ZNF662: variants seen among roughly 807,000 people sequenced by gnomAD.
ZNF662 encodes zinc finger protein 662.
A neutral mutation model predicts 12.4 loss-of-function variants in ZNF662; 14 were observed. The observed-to-expected ratio is 1.13, with a 90% CI of 0.75 to 1.77. ZNF662 has a LOEUF of 1.77. Ranked by LOEUF, ZNF662 falls within the 40% of genes most tolerant of loss-of-function variation. The probability of loss-of-function intolerance (pLI) is 0.00; values close to 1 mark genes in which losing one functional copy is unlikely to be tolerated. For synonymous variants in ZNF662, 184 were observed against 176.4 expected (o/e 1.04, Z -0.34); for missense variants, 550 against 515.6 (o/e 1.07, Z -0.65).
In ZNF662 at chr3:42,918,322, C is replaced by A. The variant is rs2088915480; in HGVS notation, c.*2968C>A. 6.6e-6 allele frequency among the ~76,000 whole-genome samples: 1 copy of A among 152,068 alleles called. No individual in the cohort carries two copies. The highest frequency in any genetic ancestry group is 1.5e-5 in the Non-Finnish European group (1 of 68,012). On this transcript the variant is annotated 3_prime_UTR_variant, in exon 5 of 5. Coordinates refer to ENST00000440367, the MANE Select transcript of ZNF662 (RefSeq NM_207404.4). Reference sequence around the variant, plus strand: ...AATTTATTAAGTGAAAAGGAAAACTCTCAACAAAAAGAGGGGTCCTGCATG... The same window carrying A: ...AATTTATTAAGTGAAAAGGAAAACTATCAACAAAAAGAGGGGTCCTGCATG...
chr3:42,911,437 C>T (rs954304484), intron 3 of ZNF662, among the ~76,000 whole-genome samples: 2 of 152,194 alleles, frequency 1.3e-5, no homozygotes, highest in African/African-American at 4.8e-5. Context: ...TTCCTCTCCT[C>T]ACCACCTAAG....
At chr3:42,914,146 C>G (rs948397424) in intron 4 of ZNF662, among the ~76,000 whole-genome samples, 181 bp from the exon 5 acceptor site, 12 of 148,506 alleles carry the variant, frequency 8.1e-5, no homozygotes, top group Non-Finnish European at 1.5e-5. Flanking sequence ...TATCTAGTTG[C>G]TGTCTTTACT....
chr3:42,908,733 G>C, intron 2 of ZNF662, 60 bp from the exon 3 acceptor site: 2 of 1,567,718 alleles, frequency 1.3e-6, no homozygotes, highest in Non-Finnish European at 1.8e-6. Flanking sequence ...CCTGGGAGGA[G>C]CCTTGGGATT....
At chr3:42,908,636 C>T (rs1559379952) in intron 2 of ZNF662, 157 bp from the exon 3 acceptor site, 5 of 1,461,062 alleles carry the variant, frequency 3.4e-6, no homozygotes. Context: ...TCTCCTGGCC[C>T]CTCTCTTGTC....
chr3:42,906,539 C>A lies in ZNF662; in HGVS notation c.-94+371C>A. The A allele has an allele frequency of 9.0e-7, 1 of 1,111,994 alleles. No individual in the cohort carries two copies. Among genetic ancestry groups the A allele is most frequent in the East Asian group, 3.1e-5 (1 of 31,852 alleles). 68.9% of individuals were successfully genotyped at this position (1,111,994 alleles called of 1,614,324 possible). A position where few individuals can be genotyped will look rare whatever the true frequency, so the allele number is the denominator to read the frequency against. On this transcript the variant is annotated intron_variant, in intron 1 of 4. Transcript: ENST00000440367. This position sits in a 1 kb window ranked among gnomAD's most constrained non-coding sequence, Gnocchi z 4.4. ...CGGCGGCTGGGAAATGGGGGTACAA[C>A]CCAGAGTGAGGGGCCTCGAGGGACA...
Position 42,906,531 on chromosome 3 carries a change from G to C in ZNF662, c.-94+363G>C, listed in dbSNP as rs2125638519. 8.3e-7 allele frequency: 1 copy of C among 1,199,772 alleles called. No homozygotes were observed. Among genetic ancestry groups the C allele is most frequent in the Non-Finnish European group, 1.1e-6 (1 of 904,838 alleles). 74.3% of individuals were successfully genotyped at this position (1,199,772 alleles called of 1,614,324 possible). ...GGGTGGTGCGGCGGCTGGGAAATGG[G>C]GGTACAACCCAGAGTGAGGGGCCTC... On this transcript the variant is annotated intron_variant, in intron 1 of 4. Coordinates refer to ENST00000440367, the MANE Select transcript of ZNF662 (RefSeq NM_207404.4). The surrounding 1 kb of genome is among the most constrained non-coding windows in gnomAD (Gnocchi z 4.4).
In ZNF662 at chr3:42,914,687, A is replaced by C. The variant is rs1352596784; in HGVS notation, c.614A>C (p.Glu205Ala). The C allele has an allele frequency of 1.2e-6, 2 of 1,614,232 alleles. No homozygotes were observed. Among genetic ancestry groups the C allele is most frequent in the Admixed American group, 3.3e-5 (2 of 60,026 alleles). Residue 205 changes from glutamate to alanine, a missense_variant, in exon 5 of 5, where the codon GAG becomes GCG. Transcript: ENST00000440367. ...EECGKCFDQNEDFDQHQKTHN... is the reference protein window; with the variant it reads ...EECGKCFDQNADFDQHQKTHN... ...TGCGGCAAGTGTTTTGATCAAAATG[A>C]GGACTTTGATCAACACCAGAAAACT...
rs762229357 is a variant in ZNF662, at chr3:42,908,058, T to C, written c.-57T>C. 33 of 1,614,092 alleles carry C rather than the reference T, an allele frequency of 2.0e-5. No homozygotes were observed. The East Asian group carries it at 6.9e-4, about 34-fold the overall frequency. Reference sequence around the variant, plus strand: ...CTTCGAGGATGTGGCCGTCTACTTCTCTGAGAACGAATGGATCGGCCTGGG... The same window carrying C: ...CTTCGAGGATGTGGCCGTCTACTTCCCTGAGAACGAATGGATCGGCCTGGG... On this transcript the variant is annotated 5_prime_UTR_variant, in exon 2 of 5. Transcript: ENST00000440367.
At position 42,914,915 on chromosome 3, in the gene ZNF662, G is replaced by A. The variant is rs1156298846; in HGVS notation, c.842G>A (p.Cys281Tyr). ...TGEKPFECKE[C>Y]GKGFSQNTSL... ...GAGAAACCCTTTGAATGTAAGGAAT[G>A]TGGGAAGGGCTTTAGTCAGAACACA... is the stretch of plus-strand genomic sequence containing the variant. The change falls in exon 5 of 5, where the codon TGT (cysteine) becomes TAT (tyrosine). Residue 281 changes from cysteine to tyrosine, a missense_variant. Coordinates refer to ENST00000440367, the MANE Select transcript of ZNF662 (RefSeq NM_207404.4). 2 of 1,614,228 alleles carry A rather than the reference G, an allele frequency of 1.2e-6. No individual in the cohort carries two copies. The highest frequency in any genetic ancestry group is 1.7e-6 in the Non-Finnish European group (2 of 1,180,032).
In ZNF662 at chr3:42,919,310, T is replaced by C. The variant is rs2088925562; in HGVS notation, c.*3956T>C. 6.6e-6 allele frequency among the ~76,000 whole-genome samples: 1 copy of C among 152,242 alleles called. No homozygotes were observed. Among genetic ancestry groups the C allele is most frequent in the South Asian group, 2.1e-4 (1 of 4,836 alleles). On this transcript the variant is annotated 3_prime_UTR_variant, in exon 5 of 5. Coordinates refer to ENST00000440367, the MANE Select transcript of ZNF662 (RefSeq NM_207404.4). ...ATAAATCATGATAGGACTGAGTTGTTTGCAAAATAAACTTTAGTCTTGTAT... is the reference window on the plus strand; with the variant it reads ...ATAAATCATGATAGGACTGAGTTGTCTGCAAAATAAACTTTAGTCTTGTAT...
intron 3 of ZNF662, among the ~76,000 whole-genome samples, chr3:42,912,747 A>ATTTTTT (rs1390874855): frequency 8.5e-6 from 1 of 117,896 alleles, no homozygotes; most frequent in African/African-American, 3.3e-5. Flanking sequence ...ATATATATAT[A>ATTTTTT]TATATTTTTT....
rs548493992 is a variant in ZNF662 at position 42,916,046 on chromosome 3, A to G, written c.*692A>G. 6 of 152,164 alleles carry G rather than the reference A, an allele frequency of 3.9e-5. No individual in the cohort carries two copies. The highest frequency in any genetic ancestry group is 8.8e-5 in the Non-Finnish European group (6 of 68,026). The allele number at this position is 152,164 out of a possible 1,614,324, so 9.4% of individuals were successfully genotyped here. A position where few individuals can be genotyped will look rare whatever the true frequency, so the allele number is the denominator to read the frequency against. Reference sequence around the variant, plus strand: ...CTGAAACATTAATCTTTGACTAGATATAACATGCTCATGATAAAAAAGAAT... The same window carrying G: ...CTGAAACATTAATCTTTGACTAGATGTAACATGCTCATGATAAAAAAGAAT... On this transcript the variant is annotated 3_prime_UTR_variant, in exon 5 of 5. Coordinates refer to ENST00000440367, the MANE Select transcript of ZNF662 (RefSeq NM_207404.4).
chr3:42,909,632 TG>T (rs1164123593), intron 3 of ZNF662, among the ~76,000 whole-genome samples: 1 of 150,286 alleles, frequency 6.7e-6, no homozygotes, highest in African/African-American at 2.5e-5. Context: ...ACTTCCCAGA[TG>T]GGGCGGCCGG....
chr3:42,914,572 G>C lies in ZNF662; in HGVS notation c.499G>C (p.Glu167Gln), dbSNP rs368547312. ...TGTCAAGGATGAGATGATCTCAGTA[G>C]AAGAGAGTTCAGGGAATACTGATGT... is the stretch of plus-strand genomic sequence containing the variant. ...VIVKDEMISV[E>Q]ESSGNTDVNN... is the part of the protein sequence containing the mutation. Residue 167 changes from glutamate to glutamine, a missense_variant, in exon 5 of 5, where the codon GAA (glutamate) becomes CAA (glutamine). Glu to Gln is a conservative substitution (Grantham distance 29). Coordinates refer to ENST00000440367, the MANE Select transcript of ZNF662 (RefSeq NM_207404.4). 6.2e-7 allele frequency: 1 copy of C among 1,614,170 alleles called. No individual in the cohort carries two copies.
At chr3:42,907,598 A>G (rs2088701609) in intron 1 of ZNF662, 1 of 827,614 alleles carries the variant, frequency 1.2e-6, no homozygotes, top group Non-Finnish European at 1.5e-6. Context: ...AACGGATCTG[A>G]TAGTAGGCTA....
intron 1 of ZNF662, among the ~76,000 whole-genome samples, chr3:42,907,363 T>G (rs904156344): frequency 6.6e-6 from 1 of 152,054 alleles, no homozygotes; most frequent in Non-Finnish European, 1.5e-5. Context: ...CAGAGCAACC[T>G]GAATGTTCTG....
chr3:42,912,820 A>C (rs1575413800), intron 3 of ZNF662, among the ~76,000 whole-genome samples: 2 of 145,384 alleles, frequency 1.4e-5, no homozygotes, highest in East Asian at 4.0e-4. Context: ...GCTCACTGCA[A>C]CCTCTGCCTC....
chr3:42,908,213 A>G (rs1559379859), intron 2 of ZNF662, 65 bp downstream of exon 2: 3 of 1,557,326 alleles, frequency 1.9e-6, no homozygotes, highest in Non-Finnish European at 2.6e-6. Flanking sequence ...TTTTTTCTCA[A>G]AGGCTCAGGA....
rs1170374973 is a variant in ZNF662, at chr3:42,918,661, GTGA to G, written c.*3309_*3311del. ...TAGAATAAGGATAAGGATAAGGGTA[GTGA>G]TCGATCTTAACTGGTTCCTGCTGAT... is the stretch of plus-strand genomic sequence containing the variant. On this transcript the variant is annotated 3_prime_UTR_variant, in exon 5 of 5. Transcript: ENST00000440367. 2.0e-5 allele frequency among the ~76,000 whole-genome samples: 3 copies of G among 152,164 alleles called. No homozygotes were observed. Among genetic ancestry groups the G allele is most frequent in the African/African-American group, 7.2e-5 (3 of 41,436 alleles).
Sources: allele counts gnomAD v4.1 joint callset (sites outside exome capture counted in the v4.1 genomes callset), GRCh38; gene constraint gnomAD v4.1.1; non-coding constraint Gnocchi (gnomAD v3.1); transcripts MANE v1.5; gene names NCBI Gene and HGNC (gene_info 2026-07-23, HGNC 2026-07-21).